MOV10L1: variants seen among roughly 807,000 people sequenced by gnomAD.
MOV10L1 encodes the protein Mov10 like RNA helicase 1, also known as RNA helicase Mov10l1.
In MOV10L1, 110 loss-of-function variants were observed where a neutral mutation model predicts 143.8. The observed-to-expected ratio is 0.76, with a 90% confidence interval of 0.66 to 0.90. The LOEUF is 0.90. MOV10L1 is among the 40% of genes least tolerant of loss of function. The pLI, the probability that MOV10L1 is intolerant of heterozygous loss-of-function variation, is 0.00. For missense variants in MOV10L1, 1,406 were observed against 1,526.8 expected, an observed-to-expected ratio of 0.92 and a Z score of 1.32; for synonymous variants, 593 against 581.1, an observed-to-expected ratio of 1.02 and a Z score of -0.29.
chr22:50,119,746 A>G (rs768485888), intron 9 of MOV10L1, among the ~76,000 whole-genome samples: 5 of 151,270 alleles, frequency 3.3e-5, no homozygotes, highest in Non-Finnish European at 5.9e-5. Flanking sequence ...GGGCTGAGCC[A>G]GTGGAACCCA....
At chr22:50,149,864 A>T (rs961744884) in intron 20 of MOV10L1, 150 bp downstream of exon 20, 35 of 634,468 alleles carry the variant, frequency 5.5e-5, no homozygotes, top group South Asian at 3.7e-4. Context: ...ATGGGTCTCT[A>T]TTGTACTTTA....
In MOV10L1 at chr22:50,092,164, C is replaced by A; in HGVS notation, c.261C>A (p.Ser87=). 6.2e-7 allele frequency: 1 copy of A among 1,613,922 alleles called. No homozygotes were observed. ...CAGTTGTGGAAGAAAATAAAGTGTC[C>A]AATGGACTGAAAGCAATCAGGGTAA... The part of the protein sequence containing the change: ...VIAVVEENKV[S]NGLKAIRVEA... The change falls in exon 2 of 27, where the codon TCC becomes TCA. Residue 87 remains serine, a synonymous_variant. Transcript: ENST00000262794.
chr22:50,101,709 G>A (rs772909338), intron 3 of MOV10L1, among the ~76,000 whole-genome samples: 3 of 151,818 alleles, frequency 2.0e-5, no homozygotes, highest in Non-Finnish European at 4.4e-5. Context: ...ACGGGGTTTC[G>A]CCATGTTGGT....
chr22:50,160,245 T>C (rs763367950), intron 24 of MOV10L1, among the ~76,000 whole-genome samples: 2 of 147,514 alleles, frequency 1.4e-5, no homozygotes, highest in East Asian at 2.1e-4. Flanking sequence ...CTGTTTCTTT[T>C]TTTCTTTCTT....
chr22:50,145,600 C>T, intron 18 of MOV10L1, 89 bp from the exon 19 acceptor site: 1 of 1,529,786 alleles, frequency 6.5e-7, no homozygotes, highest in Non-Finnish European at 9.0e-7. Flanking sequence ...TTAGACGTAA[C>T]TAAGAAGTGG....
chr22:50,110,470 T>C (rs1210226011), intron 5 of MOV10L1, among the ~76,000 whole-genome samples: 1 of 151,526 alleles, frequency 6.6e-6, no homozygotes, highest in East Asian at 1.9e-4. Flanking sequence ...AAAGACTGTC[T>C]TTTGGAAGCT....
At chr22:50,097,428 T>A (rs2062617009) in intron 2 of MOV10L1, among the ~76,000 whole-genome samples, 1 of 152,182 alleles carries the variant, frequency 6.6e-6, no homozygotes, top group Non-Finnish European at 1.5e-5. Flanking sequence ...CCATTTTGAG[T>A]TAATTTTTGT....
rs772276103 is a variant in MOV10L1 at position 50,142,121 on chromosome 22, A to C, written c.2111A>C (p.Glu704Ala). The part of the protein sequence containing the change: ...TMTDQAEHGT[E>A]ERRVGDKDLP... Reference sequence around the variant, plus strand: ...ACGGACCAAGCTGAGCATGGAACAGAGGAGAGGCGTGTTGGTGACAAGGAC... The same window carrying C: ...ACGGACCAAGCTGAGCATGGAACAGCGGAGAGGCGTGTTGGTGACAAGGAC... Residue 704 changes from glutamate (E) to alanine (A), a missense_variant, in exon 16 of 27, where the codon GAG becomes GCG. Coordinates refer to ENST00000262794, the MANE Select transcript of MOV10L1 (RefSeq NM_018995.3). The C allele has an allele frequency of 6.2e-7, 1 of 1,613,590 alleles. No homozygotes were observed. The highest frequency in any genetic ancestry group is 2.2e-5 in the East Asian group (1 of 44,824).
At chr22:50,154,397 A>G (rs1232793463) in intron 22 of MOV10L1, among the ~76,000 whole-genome samples, 3 of 152,018 alleles carry the variant, frequency 2.0e-5, no homozygotes, top group Non-Finnish European at 4.4e-5. Flanking sequence ...ATCTCTTAAA[A>G]AAAAATTTTT....
chr22:50,135,142 T>G (rs1423051918), intron 15 of MOV10L1, among the ~76,000 whole-genome samples: 1 of 151,856 alleles, frequency 6.6e-6, no homozygotes, highest in Non-Finnish European at 1.5e-5. Context: ...GTCTCCAGAG[T>G]AGCTAGGACT....
At chr22:50,156,801 G>A (rs1162991668) in intron 22 of MOV10L1, among the ~76,000 whole-genome samples, 1 of 152,216 alleles carries the variant, frequency 6.6e-6, no homozygotes, top group Non-Finnish European at 1.5e-5. Flanking sequence ...GCAGACATTT[G>A]ACTATTGTAA....
In MOV10L1 at chr22:50,091,607, C is replaced by G. The variant is rs544726817; in HGVS notation, c.98-394C>G. ...ATGCACGTGTGTTCTGCCACTTAAC[C>G]CTTCAGCAGCTCTCTTGGGTAGTGA... On this transcript the variant is annotated intron_variant, in intron 1 of 26. Coordinates refer to ENST00000262794, the MANE Select transcript of MOV10L1 (RefSeq NM_018995.3). 19 of 181,504 alleles carry G rather than the reference C, an allele frequency of 1.0e-4. No individual in the cohort carries two copies. The East Asian group carries it at 2.7e-3, about 26-fold the overall frequency. The allele number at this position is 181,504 out of a possible 1,614,324, so 11.2% of individuals were successfully genotyped here. A position where few individuals can be genotyped will look rare whatever the true frequency, so the allele number is the denominator to read the frequency against.
chr22:50,105,739 G>A (rs187905275), intron 3 of MOV10L1, among the ~76,000 whole-genome samples: 4 of 152,322 alleles, frequency 2.6e-5, no homozygotes, highest in East Asian at 3.9e-4. Context: ...CGGTTCCTCA[G>A]GTTCCAGCAT....
chr22:50,133,780 G>A (rs2062744432), intron 13 of MOV10L1, among the ~76,000 whole-genome samples: 1 of 152,076 alleles, frequency 6.6e-6, no homozygotes, highest in Non-Finnish European at 1.5e-5. Context: ...CTGACCTCAG[G>A]TGATCCACCC....
intron 19 of MOV10L1, among the ~76,000 whole-genome samples, chr22:50,148,081 G>A (rs922973942): frequency 3.9e-5 from 6 of 152,360 alleles, no homozygotes; most frequent in African/African-American, 1.4e-4. Context: ...TCTAGGGTTG[G>A]AGAGGGGAGA....
At chr22:50,157,717 G>A (rs1268584670) in intron 22 of MOV10L1, among the ~76,000 whole-genome samples, 3 of 145,428 alleles carry the variant, frequency 2.1e-5, no homozygotes, top group African/African-American at 7.7e-5. Flanking sequence ...TTCTAAGGAA[G>A]AGTATTTTCA....
In MOV10L1 at chr22:50,107,920, G is replaced by A. The variant is rs549468240; in HGVS notation, c.443-216G>A. ...TGCACCTTCTAGAGCCTGGAGGTGTGAGTGAGAGGCTCCAGCTCAGCTCAT... is the reference window on the plus strand; with the variant it reads ...TGCACCTTCTAGAGCCTGGAGGTGTAAGTGAGAGGCTCCAGCTCAGCTCAT... On this transcript the variant is annotated intron_variant, in intron 3 of 26. Coordinates refer to ENST00000262794, the MANE Select transcript of MOV10L1 (RefSeq NM_018995.3). Among the ~76,000 whole-genome samples, 7 of 152,346 alleles carry A rather than the reference G, an allele frequency of 4.6e-5. No individual in the cohort carries two copies. In the South Asian group the frequency reaches 1.4e-3, roughly 32 times the overall value.
At chr22:50,146,016 A>G (rs1324122492) in intron 19 of MOV10L1, among the ~76,000 whole-genome samples, 1 of 152,174 alleles carries the variant, frequency 6.6e-6, no homozygotes, top group Non-Finnish European at 1.5e-5. Context: ...AGGAGCCAGC[A>G]GTGGGATGGG....
intron 15 of MOV10L1, among the ~76,000 whole-genome samples, chr22:50,136,795 T>C (rs2062833276): frequency 6.6e-6 from 1 of 152,102 alleles, no homozygotes; most frequent in Non-Finnish European, 1.5e-5. Flanking sequence ...GTGCATGATG[T>C]GAGTAAAATA....
Sources: gnomAD v4.1 joint callset for allele counts (sites outside exome capture counted in the v4.1 genomes callset) on GRCh38, gnomAD v4.1.1 for gene constraint, MANE v1.5 for transcripts, NCBI Gene and HGNC (gene_info 2026-07-23, HGNC 2026-07-21) for gene names.